The following AMBP variants were observed in gnomAD, a reference collection of about 807,000 sequenced individuals.
AMBP encodes the protein alpha-1-microglobulin/bikunin precursor, also known as protein AMBP.
AMBP carries 37 observed loss-of-function variants against 46.3 expected under a neutral mutation model. That is an observed-to-expected ratio of 0.80 (90% CI 0.61 to 1.05). The LOEUF is 1.05. AMBP is among the 50% of genes least tolerant of loss of function. The pLI, the probability that AMBP is intolerant of heterozygous loss-of-function variation, is 0.00. For synonymous variants in AMBP, 174 were observed against 175.9 expected (o/e 0.99, Z 0.09); for missense variants, 475 against 461.2 (o/e 1.03, Z -0.27).
At chr9:114,060,773 C>G (rs75021377) in intron 9 of AMBP, 152 bp downstream of exon 9, 29,833 of 943,052 alleles carry the variant, frequency 0.032, 597 homozygotes, top group East Asian at 0.062. Flanking sequence ...GGGTAAGGCC[C>G]CAGGCTCAGC....
At chr9:114,061,122 A>T in intron 8 of AMBP, 24 bp from the exon 9 acceptor site, 1 of 1,611,166 alleles carries the variant, frequency 6.2e-7, no homozygotes, top group Non-Finnish European at 8.5e-7. Context: ...AGAGGCATGG[A>T]ACTTGAGAAA....
At chr9:114,061,142 C>G in intron 8 of AMBP, 44 bp from the exon 9 acceptor site, 1 of 1,602,004 alleles carries the variant, frequency 6.2e-7, no homozygotes, top group Non-Finnish European at 8.5e-7. Context: ...ACCCTTGTGA[C>G]TGCTGATCAG....
Position 114,060,149 on chromosome 9 carries a change from T to A in AMBP, c.*90A>T. 2.2e-6 allele frequency: 3 copies of A among 1,389,534 alleles called. No homozygotes were observed. The South Asian group carries it at 4.2e-5, about 19-fold the overall frequency. The allele number at this position is 1,389,534 out of a possible 1,614,324, so 86.1% of individuals were successfully genotyped here. On this transcript the variant is annotated 3_prime_UTR_variant, in exon 10 of 10. Coordinates refer to ENST00000265132, the MANE Select transcript of AMBP (RefSeq NM_001633.4). The stretch of plus-strand genomic sequence containing the variant: ...GAATTTCAGGAGTTTACAATTTAGT[T>A]TTTATTTGGACCCAGGTTGCTTGGC...
chr9:114,068,783 G>A (rs1041885190), intron 6 of AMBP, among the ~76,000 whole-genome samples: 1 of 137,492 alleles, frequency 7.3e-6, no homozygotes, highest in African/African-American at 2.8e-5. Flanking sequence ...CTGTGTGACT[G>A]CTGATAGTTT....
rs536578108 is a variant in AMBP, at chr9:114,074,718, C to T, written c.337+242G>A. Among the ~76,000 whole-genome samples, 425 of 151,938 alleles carry T rather than the reference C, an allele frequency of 2.8e-3. 1 individual carries two copies. Among genetic ancestry groups the T allele is most frequent in the Non-Finnish European group, 4.8e-3 (325 of 68,002 alleles). On this transcript the variant is annotated intron_variant, in intron 3 of 9. Coordinates refer to ENST00000265132, the MANE Select transcript of AMBP (RefSeq NM_001633.4). ...GTGCCTAAGAAGACATGAAGACTGG[C>T]GAAATCAGCACCATCACCCTACTCT...
chr9:114,070,552 C>G (rs1846734492), intron 5 of AMBP, among the ~76,000 whole-genome samples: 1 of 152,184 alleles, frequency 6.6e-6, no homozygotes, highest in Admixed American at 6.5e-5. Context: ...GAGTCACCTG[C>G]CAGCAGGGGA....
intron 5 of AMBP, among the ~76,000 whole-genome samples, chr9:114,071,036 C>T (rs943731194): frequency 6.6e-6 from 1 of 152,308 alleles, no homozygotes; most frequent in Admixed American, 6.5e-5. Flanking sequence ...GGCCCACAGC[C>T]CCTGCCTCAG....
rs780082985 is a variant in AMBP at position 114,074,059 on chromosome 9, G to A, written c.431C>T (p.Pro144Leu). The A allele has an allele frequency of 6.2e-7, 1 of 1,614,112 alleles. No homozygotes were observed. The highest frequency in any genetic ancestry group is 1.1e-5 in the South Asian group (1 of 91,076). The change falls in exon 4 of 10, where the codon CCC becomes CTC. Residue 144 changes from proline (P) to leucine (L), a missense_variant. Pro to Leu is a moderately conservative substitution (Grantham distance 98, BLOSUM62 -3). Transcript: ENST00000265132. ...LTKKFSRHHG[P>L]TITAKLYGRA... ...ACCGTAGAGCTTGGCAGTAATGGTG[G>A]GTCCATGATGGCGGCTGAATTTCTT...
chr9:114,062,722 C>A lies in AMBP; in HGVS notation c.640G>T (p.Gly214Ter). ...GTTACCAGTTGCCCACCCCCTGATCCTTCCTCTTCTTGGGGTAGCACAGCC... is the reference window on the plus strand; with the variant it reads ...GTTACCAGTTGCCCACCCCCTGATCATTCCTCTTCTTGGGGTAGCACAGCC... ...RRAVLPQEEE[G>*]SGGGQLVTEV... Residue 214 changes from glycine to a stop codon, truncating the protein, a stop_gained, in exon 7 of 10, where the codon GGA becomes TGA. Transcript: ENST00000265132. LOFTEE classifies it high-confidence loss of function. 1 of 1,614,114 alleles carries A rather than the reference C, an allele frequency of 6.2e-7. No homozygotes were observed. Among genetic ancestry groups the A allele is most frequent in the Non-Finnish European group, 8.5e-7 (1 of 1,180,028 alleles).
chr9:114,074,946 TC>T lies in AMBP; in HGVS notation c.337+13del. On this transcript the variant is annotated intron_variant, in intron 3 of 9. Coordinates refer to ENST00000265132, the MANE Select transcript of AMBP (RefSeq NM_001633.4). ...AAAGGAGAGAATGCATGTGTCTCTT[TC>T]CACTCCACTTACTGGATTTGTGATA... is the stretch of plus-strand genomic sequence containing the variant. 1 of 1,611,942 alleles carries T rather than the reference TC, an allele frequency of 6.2e-7. No individual in the cohort carries two copies. Among genetic ancestry groups the T allele is most frequent in the Non-Finnish European group, 8.5e-7 (1 of 1,178,012 alleles).
intron 6 of AMBP, 71 bp from the exon 7 acceptor site, chr9:114,062,829 T>C: frequency 6.9e-7 from 1 of 1,444,754 alleles, no homozygotes; most frequent in Non-Finnish European, 9.7e-7. Flanking sequence ...ACCCCTGGAA[T>C]ATATAAATGA....
chr9:114,074,795 AGAG>A (rs774117135), intron 3 of AMBP, among the ~76,000 whole-genome samples, 162 bp downstream of exon 3: 38 of 152,044 alleles, frequency 2.5e-4, no homozygotes, highest in Non-Finnish European at 4.9e-4. Context: ...GGGGAGGAGG[AGAG>A]GAGGAGAAGG....
chr9:114,072,825 C>G, intron 5 of AMBP, 100 bp downstream of exon 5: 1 of 1,044,178 alleles, frequency 9.6e-7, no homozygotes, highest in Non-Finnish European at 1.4e-6. Flanking sequence ...GCCTTTTTAT[C>G]TCAGAGGGTT....
intron 6 of AMBP, among the ~76,000 whole-genome samples, chr9:114,069,445 C>T (rs1217472398): frequency 6.6e-6 from 1 of 152,190 alleles, no homozygotes; most frequent in African/African-American, 2.4e-5. Flanking sequence ...CTGCCACAAG[C>T]CCAGAAGGTA....
Position 114,062,892 on chromosome 9 carries a change from AAAG to A in AMBP, c.604-137_604-135del, listed in dbSNP as rs374233070. On this transcript the variant is annotated intron_variant, in intron 6 of 9. Transcript: ENST00000265132. ...TAGGAACACAGCTCTTAGACTGGTT[AAAG>A]GAGACTGTTTTCCCAAAAGTGTCAA... 1.4e-4 allele frequency: 114 copies of A among 806,234 alleles called. No homozygotes were observed. The African/African-American group carries it at 1.8e-3, about 13-fold the overall frequency. The allele number at this position is 806,234 out of a possible 1,614,324, so 49.9% of individuals were successfully genotyped here.
In AMBP at chr9:114,062,683, T is replaced by C; in HGVS notation, c.679A>G (p.Lys227Glu). ...AAAGGCAGGTGTTCATTACCTTCTT[T>C]CTTGGTGACTTCAGTTACCAGTTGC... ...GGQLVTEVTK[K>E]EDSCQLGYSA... The change falls in exon 7 of 10, where the codon AAA (lysine) becomes GAA (glutamate). Residue 227 changes from lysine (K) to glutamate (E), a missense_variant. Coordinates refer to ENST00000265132, the MANE Select transcript of AMBP (RefSeq NM_001633.4). 1 of 1,613,710 alleles carries C rather than the reference T, an allele frequency of 6.2e-7. No individual in the cohort carries two copies. Among genetic ancestry groups the C allele is most frequent in the Non-Finnish European group, 8.5e-7 (1 of 1,179,958 alleles).
intron 5 of AMBP, among the ~76,000 whole-genome samples, chr9:114,071,192 C>A (rs1416269186): frequency 2.6e-5 from 4 of 152,224 alleles, no homozygotes; most frequent in Non-Finnish European, 5.9e-5. Context: ...TGGACCCAGG[C>A]ATTTCTGCAC....
At chr9:114,076,448 G>A (rs2856923) in intron 2 of AMBP, 150 bp downstream of exon 2, 209,805 of 1,148,168 alleles carry the variant, frequency 0.18, 22,316 homozygotes, top group East Asian at 0.45. Flanking sequence ...GAAAAGGGCC[G>A]TCCTGGTGGA....
At chr9:114,071,663 C>T (rs1276937237) in intron 5 of AMBP, among the ~76,000 whole-genome samples, 2 of 152,244 alleles carry the variant, frequency 1.3e-5, no homozygotes, top group Non-Finnish European at 2.9e-5. Context: ...CTGGGCCTAC[C>T]CATGGCCGCC....
Sources: gnomAD v4.1 joint callset for allele counts (sites outside exome capture counted in the v4.1 genomes callset) on GRCh38, gnomAD v4.1.1 for gene constraint, MANE v1.5 for transcripts, NCBI Gene and HGNC (gene_info 2026-07-23, HGNC 2026-07-21) for gene names.